The following TMEM175 variants were observed in gnomAD, a reference collection of about 807,000 sequenced individuals.
TMEM175 encodes endosomal/lysosomal proton channel TMEM175.
In TMEM175, 36 loss-of-function variants were observed where a neutral mutation model predicts 36.5. That is an observed-to-expected ratio of 0.99 (90% CI 0.76 to 1.30). The LOEUF is 1.30. TMEM175 is among the 50% of genes most tolerant of loss of function. TMEM175 has a pLI of 0.00. For missense variants in TMEM175, 705 were observed against 692.8 expected (o/e 1.02, Z -0.20); for synonymous variants, 339 against 313.4 (o/e 1.08, Z -0.86).
Position 953,303 on chromosome 4 carries a change from C to T in TMEM175, c.576C>T (p.Gly192=). The T allele has an allele frequency of 6.2e-7, 1 of 1,614,118 alleles. No individual in the cohort carries two copies. Among genetic ancestry groups the T allele is most frequent in the Non-Finnish European group, 8.5e-7 (1 of 1,179,986 alleles). ...ACGTCCTGGGCATCGTCCTCCAAGG[C>T]CCGGCCCTGTGCTTTGCAGCGGCCA... ...RRHVLGIVLQ[G]PALCFAAAIF... is the part of the protein sequence containing the mutation. Residue 192 remains glycine, a synonymous_variant, in exon 8 of 11, where the codon GGC becomes GGT. Transcript: ENST00000264771.
In TMEM175 at chr4:957,328, G is replaced by A. The variant is rs1022093199; in HGVS notation, c.843-496G>A. Among the ~76,000 whole-genome samples the A allele has an allele frequency of 3.3e-5, 5 of 152,214 alleles. No individual in the cohort carries two copies. In the South Asian group the frequency reaches 1.0e-3, roughly 32 times the overall value. ...AGAAGGCAGCAGCCCTGACAAGGGG[G>A]TTCCCACAGCCTCCCTGTGGAGGGA... On this transcript the variant is annotated intron_variant, in intron 10 of 10. Coordinates refer to ENST00000264771, the MANE Select transcript of TMEM175 (RefSeq NM_032326.4).
rs371061303 is a variant in TMEM175, at chr4:947,802, G to T, written c.63G>T (p.Arg21Ser). ...LDTPGDCPPG[R>S]RDEDAGEGIQ... ...CACCGGGGGACTGCCCCCCAGGCAG[G>T]AGAGACGAGGACGCTGGGGAGGGGA... Residue 21 changes from arginine to serine, a missense_variant, in exon 2 of 11, where the codon AGG becomes AGT. By Grantham distance (110) the Arg-to-Ser change is moderately radical (BLOSUM62 -1). Coordinates refer to ENST00000264771, the MANE Select transcript of TMEM175 (RefSeq NM_032326.4). The T allele has an allele frequency of 6.2e-7, 1 of 1,613,154 alleles. No individual in the cohort carries two copies. The highest frequency in any genetic ancestry group is 8.5e-7 in the Non-Finnish European group (1 of 1,180,000).
intron 4 of TMEM175, 50 bp downstream of exon 4, chr4:950,568 G>A (rs776854504): frequency 1.4e-5 from 20 of 1,390,356 alleles, no homozygotes; most frequent in Admixed American, 1.7e-5. Context: ...CAAGGTTCCC[G>A]TACCCCGCAC....
intron 10 of TMEM175, chr4:956,187 C>A: frequency 2.5e-6 from 2 of 787,604 alleles, no homozygotes; most frequent in Non-Finnish European, 3.6e-6. Context: ...TCACTCCTCT[C>A]AGAGGGGCTC....
chr4:955,116 A>T (rs2153004584), intron 8 of TMEM175, among the ~76,000 whole-genome samples: 1 of 151,780 alleles, frequency 6.6e-6, no homozygotes, highest in East Asian at 1.9e-4. Context: ...CTAATTTTTT[A>T]TTTTTCGTAG....
chr4:946,750 G>T (rs1167022138), intron 1 of TMEM175, among the ~76,000 whole-genome samples: 1 of 152,232 alleles, frequency 6.6e-6, no homozygotes, highest in African/African-American at 2.4e-5. Flanking sequence ...CCCACAGGCG[G>T]ACTGGAGTGC....
At chr4:951,151 C>A in intron 4 of TMEM175, 56 bp from the exon 5 acceptor site, 1 of 1,461,530 alleles carries the variant, frequency 6.8e-7, no homozygotes, top group Non-Finnish European at 9.6e-7. Context: ...AGTGTGTGTG[C>A]ATTTAATGTT....
At position 955,754 on chromosome 4, in the gene TMEM175, G is replaced by C. The variant is rs537543294; in HGVS notation, c.707-1G>C. 1 of 1,613,092 alleles carries C rather than the reference G, an allele frequency of 6.2e-7. No homozygotes were observed. The highest frequency in any genetic ancestry group is 2.2e-5 in the East Asian group (1 of 44,860). ...GCTCCACCCTCCTGGCGTGTCCCCAGGCCACAGGGAGCCCTCGGCTCACCC... is the reference window on the plus strand; with the variant it reads ...GCTCCACCCTCCTGGCGTGTCCCCACGCCACAGGGAGCCCTCGGCTCACCC... On this transcript the variant is annotated splice_acceptor_variant, in intron 9 of 10. Coordinates refer to ENST00000264771, the MANE Select transcript of TMEM175 (RefSeq NM_032326.4). LOFTEE classifies it high-confidence loss of function.
At chr4:937,814 A>C (rs934575811) in intron 1 of TMEM175, among the ~76,000 whole-genome samples, 8 of 152,258 alleles carry the variant, frequency 5.3e-5, no homozygotes, top group African/African-American at 1.9e-4. Context: ...AATTGAATCC[A>C]ACACTATATA....
At chr4:956,371 C>A (rs982718554) in intron 10 of TMEM175, 1 of 1,290,752 alleles carries the variant, frequency 7.7e-7, no homozygotes, top group African/African-American at 1.5e-5. Context: ...TGCTCCTCCG[C>A]GGCCTCATCT....
intron 6 of TMEM175, 141 bp downstream of exon 6, chr4:951,858 C>G: frequency 5.3e-6 from 5 of 945,156 alleles, no homozygotes; most frequent in Non-Finnish European, 8.3e-6. Context: ...TGGGGAGAGC[C>G]AGCTGTTGGG....
At chr4:948,300 G>C in intron 3 of TMEM175, 146 bp downstream of exon 3, 1 of 1,557,072 alleles carries the variant, frequency 6.4e-7, no homozygotes, top group Non-Finnish European at 8.7e-7. Flanking sequence ...GGCCTCCTTG[G>C]AAAGGGAGGG....
intron 3 of TMEM175, 92 bp from the exon 4 acceptor site, chr4:950,329 C>T (rs556455511): frequency 1.3e-5 from 14 of 1,092,770 alleles, no homozygotes; most frequent in Middle Eastern, 2.0e-4. Flanking sequence ...TGCCCTGGGC[C>T]GAGGCCAGCC....
rs1210786402 is a variant in TMEM175, at chr4:932,497, A to G, written c.-75A>G. The G allele has an allele frequency of 6.4e-6, 3 of 470,684 alleles. No homozygotes were observed. The allele number at this position is 470,684 out of a possible 1,614,324, so 29.2% of individuals were successfully genotyped here. On this transcript the variant is annotated 5_prime_UTR_variant, in exon 1 of 11. Transcript: ENST00000264771. The surrounding 1 kb of genome is among the most constrained non-coding windows in gnomAD (Gnocchi z 4.0). ...GTCAAGCTCCCGGCCGGGCTGACTC[A>G]AGCGGAGGCGCGCGGAACAGTCGCC...
intron 1 of TMEM175, among the ~76,000 whole-genome samples, chr4:938,167 C>G (rs1317121774): frequency 6.6e-6 from 1 of 152,196 alleles, no homozygotes; most frequent in East Asian, 1.9e-4. Context: ...CACTTCTATT[C>G]AGCATTGTAC....
At chr4:938,700 G>A (rs2152996906) in intron 1 of TMEM175, among the ~76,000 whole-genome samples, 1 of 152,246 alleles carries the variant, frequency 6.6e-6, no homozygotes, top group South Asian at 2.1e-4. Context: ...TGTGAAAAAA[G>A]ATGTGCAAGA....
Position 947,844 on chromosome 4 carries a change from C to T in TMEM175, c.105C>T (p.Arg35=). Residue 35 remains arginine (R), a synonymous_variant, in exon 2 of 11, where the codon CGC becomes CGT. Coordinates refer to ENST00000264771, the MANE Select transcript of TMEM175 (RefSeq NM_032326.4). The stretch of plus-strand genomic sequence containing the variant: ...GGGAGGGGATCCAGTGCTCCCAACG[C>T]ATGCTCAGCTTCAGTGACGCCCTGC... ...DAGEGIQCSQ[R]MLSFSDALLS... 6.2e-7 allele frequency: 1 copy of T among 1,613,548 alleles called. No homozygotes were observed. Among genetic ancestry groups the T allele is most frequent in the South Asian group, 1.1e-5 (1 of 91,092 alleles).
intron 3 of TMEM175, among the ~76,000 whole-genome samples, chr4:950,177 C>T (rs1041387765): frequency 2.0e-5 from 3 of 146,676 alleles, no homozygotes; most frequent in Non-Finnish European, 4.5e-5. Flanking sequence ...GGGGTGGGGG[C>T]TGGAGGGGTG....
intron 10 of TMEM175, among the ~76,000 whole-genome samples, chr4:957,139 T>G (rs1207949379): frequency 6.6e-6 from 1 of 152,226 alleles, no homozygotes; most frequent in Non-Finnish European, 1.5e-5. Context: ...CTGCCCTTGC[T>G]GCCTCCAGTC....
Sources: allele counts gnomAD v4.1 joint callset (sites outside exome capture counted in the v4.1 genomes callset), GRCh38; gene constraint gnomAD v4.1.1; non-coding constraint Gnocchi (gnomAD v3.1); transcripts MANE v1.5; gene names NCBI Gene and HGNC (gene_info 2026-07-23, HGNC 2026-07-21).